DNAH8: variants seen among roughly 807,000 people sequenced by gnomAD.
The protein encoded by DNAH8 is axonemal beta dynein heavy chain 8.
DNAH8 carries 382 observed loss-of-function variants against 562.1 expected under a neutral mutation model. That is an observed-to-expected ratio of 0.68 (90% CI 0.63 to 0.74). The LOEUF (loss-of-function observed/expected upper bound fraction) is 0.74, where lower values mean the gene tolerates loss of function less well. Ranked by LOEUF, DNAH8 falls within the 30% of genes least tolerant of loss-of-function variation. DNAH8 has a pLI of 0.00. For missense variants in DNAH8, 5,203 were observed against 5,620.4 expected, an observed-to-expected ratio of 0.93 and a Z score of 2.37; for synonymous variants, 1,881 against 1,919.4, an observed-to-expected ratio of 0.98 and a Z score of 0.52.
intron 88 of DNAH8, among the ~76,000 whole-genome samples, chr6:39,007,111 G>A (rs12664132): frequency 0.15 from 22,809 of 152,158 alleles, 1,868 homozygotes; most frequent in Middle Eastern, 0.2. Flanking sequence ...GTTCAGTGAT[G>A]TTTTTAAAAG....
intron 10 of DNAH8, among the ~76,000 whole-genome samples, chr6:38,758,324 CTGTT>C (rs1270049172): frequency 2.0e-5 from 3 of 151,688 alleles, no homozygotes; most frequent in Non-Finnish European, 2.9e-5. Context: ...ATTTGGCTCT[CTGTT>C]TGTCTGTTAT....
intron 62 of DNAH8, among the ~76,000 whole-genome samples, chr6:38,904,256 T>A (rs1026148718): frequency 4.6e-5 from 7 of 151,890 alleles, no homozygotes; most frequent in Admixed American, 2.6e-4. Context: ...GGATGTGGAG[T>A]TCAGGAGAGG....
In DNAH8 at chr6:39,008,849, C is replaced by A. The variant is rs1178899014; in HGVS notation, c.13250C>A (p.Thr4417Lys). Residue 4417 changes from threonine (T) to lysine (K), a missense_variant, in exon 89 of 93, where the codon ACA becomes AAA. Thr to Lys is a moderately conservative substitution (Grantham distance 78, BLOSUM62 -1). Transcript: ENST00000327475. ...AACACTGCTTCTGCTGTTCTTGAAACAATTACCAACATTCAACCCAAAGAG... is the reference window on the plus strand; with the variant it reads ...AACACTGCTTCTGCTGTTCTTGAAAAAATTACCAACATTCAACCCAAAGAG... ...QSNTASAVLE[T>K]ITNIQPKESG... 3.1e-6 allele frequency: 5 copies of A among 1,608,000 alleles called. No homozygotes were observed. The highest frequency in any genetic ancestry group is 3.4e-6 in the Non-Finnish European group (4 of 1,174,804).
chr6:38,731,523 T>G (rs986551031), intron 4 of DNAH8, among the ~76,000 whole-genome samples: 1 of 152,238 alleles, frequency 6.6e-6, no homozygotes, highest in Non-Finnish European at 1.5e-5. Context: ...TTTACAACTT[T>G]TTGCTCCCTG....
chr6:39,011,875 G>A (rs902284932), intron 89 of DNAH8, among the ~76,000 whole-genome samples: 1 of 151,990 alleles, frequency 6.6e-6, no homozygotes, highest in African/African-American at 2.4e-5. Flanking sequence ...CCCCTATGAA[G>A]GTTAGATTGC....
intron 82 of DNAH8, among the ~76,000 whole-genome samples, chr6:38,969,471 T>C (rs1209321979): frequency 1.3e-5 from 2 of 152,056 alleles, no homozygotes; most frequent in Non-Finnish European, 2.9e-5. Context: ...GTATAAAATA[T>C]GCTAAGAAGC....
rs377194021 is a variant in DNAH8, at chr6:38,918,053, A to T, written c.10437A>T (p.Lys3479Asn). ...MDDYTFESAK[K>N]VCGNVAGLLS... ...ATTATACTTTTGAAAGTGCCAAAAA[A>T]GTCTGTGGGAATGTGGCTGGTCTCC... Residue 3479 changes from lysine (K) to asparagine (N), a missense_variant, in exon 70 of 93, where the codon AAA becomes AAT. Around this residue, in one of 6 missense-constraint regions of DNAH8, gnomAD observed 1,399 missense variants for 1,518.4 expected, o/e 0.92. Coordinates refer to ENST00000327475, the MANE Select transcript of DNAH8 (RefSeq NM_001206927.2). 4.3e-6 allele frequency: 7 copies of T among 1,613,812 alleles called. No individual in the cohort carries two copies. Among genetic ancestry groups the T allele is most frequent in the Admixed American group, 3.3e-5 (2 of 59,974 alleles).
chr6:38,831,871 G>A (rs913855456), intron 30 of DNAH8, among the ~76,000 whole-genome samples: 2 of 152,144 alleles, frequency 1.3e-5, no homozygotes, highest in Non-Finnish European at 2.9e-5. Flanking sequence ...GAAGGTTTAA[G>A]CAGAGTATTT....
At position 38,974,378 on chromosome 6, in the gene DNAH8, C is replaced by G; in HGVS notation, c.12683C>G (p.Ser4228Cys). The change falls in exon 85 of 93, where the codon TCT becomes TGT. Residue 4228 changes from serine to cysteine, a missense_variant. Around this residue, in one of 6 missense-constraint regions of DNAH8, gnomAD observed 1,399 missense variants for 1,518.4 expected, o/e 0.92. Transcript: ENST00000327475. Reference protein sequence around the residue: ...DRFPITLLQTSLKFTNEPPQG... With the variant: ...DRFPITLLQTCLKFTNEPPQG... ...ACTGTTTTCTTTTCATGACAGACCT[C>G]TCTCAAATTCACTAATGAGCCACCC... 1 of 1,609,144 alleles carries G rather than the reference C, an allele frequency of 6.2e-7. No homozygotes were observed. Among genetic ancestry groups the G allele is most frequent in the Non-Finnish European group, 8.5e-7 (1 of 1,178,244 alleles).
chr6:38,906,260 C>T lies in DNAH8; in HGVS notation c.9201C>T (p.Tyr3067=). ...QIFQITLTRS[Y]NVTNLTDDLK... The stretch of plus-strand genomic sequence containing the variant: ...CTATCATTTTTCTTCTTAGGTCTTA[C>T]AATGTGACTAATCTAACAGATGATT... Residue 3067 remains tyrosine (Y), a synonymous_variant, in exon 63 of 93, where the codon TAC becomes TAT. Transcript: ENST00000327475. 6.3e-7 allele frequency: 1 copy of T among 1,584,846 alleles called. No homozygotes were observed. Among genetic ancestry groups the T allele is most frequent in the Non-Finnish European group, 8.6e-7 (1 of 1,162,088 alleles).
At chr6:38,951,618 G>A (rs944780665) in intron 82 of DNAH8, 98 bp downstream of exon 82, 1 of 1,079,920 alleles carries the variant, frequency 9.3e-7, no homozygotes, top group African/African-American at 1.6e-5. Context: ...AGAAATAGAT[G>A]TAAAACTGAA....
intron 35 of DNAH8, among the ~76,000 whole-genome samples, chr6:38,843,766 T>G (rs756861205): frequency 6.6e-6 from 1 of 152,126 alleles, no homozygotes; most frequent in Non-Finnish European, 1.5e-5. Context: ...TAATTTTTAT[T>G]GGGGTGGCTG....
At chr6:38,771,079 T>C (rs1358607208) in intron 12 of DNAH8, among the ~76,000 whole-genome samples, 1 of 152,194 alleles carries the variant, frequency 6.6e-6, no homozygotes, top group African/African-American at 2.4e-5. Context: ...GGCCAGCCCA[T>C]ATCAGAGACT....
Position 38,887,019 on chromosome 6 carries a change from A to G in DNAH8, c.8473+15A>G, listed in dbSNP as rs1451876232. 1.9e-6 allele frequency: 3 copies of G among 1,550,242 alleles called. No individual in the cohort carries two copies. The African/African-American group carries it at 4.1e-5, about 21-fold the overall frequency. ...CAAAATTTTTGGTATGAATATTCTT[A>G]GCGTTTATTTTATTGCATTACATAA... On this transcript the variant is annotated intron_variant, in intron 57 of 92. Coordinates refer to ENST00000327475, the MANE Select transcript of DNAH8 (RefSeq NM_001206927.2).
intron 12 of DNAH8, among the ~76,000 whole-genome samples, chr6:38,775,222 AAGAC>A (rs1767946356): frequency 6.6e-6 from 1 of 152,154 alleles, no homozygotes; most frequent in Non-Finnish European, 1.5e-5. Flanking sequence ...GGTTGAGACA[AAGAC>A]AGCCATTTCT....
intron 62 of DNAH8, among the ~76,000 whole-genome samples, chr6:38,901,765 A>C (rs1780098612): frequency 6.6e-6 from 1 of 152,244 alleles, no homozygotes; most frequent in Non-Finnish European, 1.5e-5. Context: ...AAATTGAACA[A>C]AATACAATTT....
chr6:38,883,112 C>A, intron 54 of DNAH8, 60 bp downstream of exon 54: 1 of 1,432,190 alleles, frequency 7.0e-7, no homozygotes, highest in Non-Finnish European at 9.3e-7. Flanking sequence ...CGGGAATATG[C>A]ACCCATATTT....
intron 7 of DNAH8, 42 bp downstream of exon 7, chr6:38,738,014 A>T (rs373410143): frequency 1.9e-6 from 3 of 1,583,304 alleles, no homozygotes; most frequent in Non-Finnish European, 2.6e-6. Flanking sequence ...AGTAGTTTTC[A>T]TGTGCATCCT....
intron 79 of DNAH8, among the ~76,000 whole-genome samples, chr6:38,939,300 C>T (rs1783243686): frequency 6.6e-6 from 1 of 152,140 alleles, no homozygotes; most frequent in African/African-American, 2.4e-5. Flanking sequence ...GCAGGACAGC[C>T]ATTCCCTCAG....
Sources: allele counts gnomAD v4.1 joint callset (sites outside exome capture counted in the v4.1 genomes callset), GRCh38; gene constraint gnomAD v4.1.1; regional missense constraint gnomAD v4.1.1; transcripts MANE v1.5; gene names NCBI Gene and HGNC (gene_info 2026-07-23, HGNC 2026-07-21).